The following UBE2U variants were observed in gnomAD, a reference collection of about 807,000 sequenced individuals.
UBE2U encodes ubiquitin-conjugating enzyme E2 U.
Under a neutral mutation model 41.2 loss-of-function variants are expected in UBE2U, and 39 were observed. The observed-to-expected ratio is 0.95, with a 90% CI of 0.73 to 1.24. The LOEUF (loss-of-function observed/expected upper bound fraction) is 1.24, where lower values mean the gene tolerates loss of function less well. Among genes scored for constraint, UBE2U ranks in the 50% most tolerant of loss-of-function variants. The probability of loss-of-function intolerance (pLI) is 0.00; values close to 1 mark genes in which losing one functional copy is unlikely to be tolerated. For synonymous variants in UBE2U, 107 were observed against 117.8 expected, an observed-to-expected ratio of 0.91 and a Z score of 0.60; for missense variants, 336 against 363.1, an observed-to-expected ratio of 0.93 and a Z score of 0.61.
chr1:64,206,635 A>G (rs1361157884), intron 2 of UBE2U, 129 bp from the exon 3 acceptor site: 13 of 604,678 alleles, frequency 2.1e-5, no homozygotes, highest in Non-Finnish European at 3.5e-5. Flanking sequence ...GGTGCACTCT[A>G]TGAATCAATT....
chr1:64,214,698 A>G (rs1266512494), intron 4 of UBE2U, 117 bp from the exon 5 acceptor site: 5 of 715,694 alleles, frequency 7.0e-6, no homozygotes. Context: ...CTATTTCCAG[A>G]TCCATACATA....
intron 8 of UBE2U, among the ~76,000 whole-genome samples, chr1:64,242,092 A>G (rs1490306304): frequency 1.3e-5 from 2 of 152,120 alleles, no homozygotes; most frequent in Non-Finnish European, 2.9e-5. Context: ...AAAACTATAT[A>G]TCATCAATTA....
rs1195307740 is a variant in UBE2U at position 64,239,163 on chromosome 1, G to GA, written c.596-2487dup. 1.2e-4 allele frequency among the ~76,000 whole-genome samples: 9 copies of GA among 73,014 alleles called. No homozygotes were observed. In the East Asian group the frequency reaches 4.3e-3, roughly 35 times the overall value. The allele number at this position is 73,014 out of a possible 152,430, so 47.9% of individuals were successfully genotyped here. A position where few individuals can be genotyped will look rare whatever the true frequency, so the allele number is the denominator to read the frequency against. On this transcript the variant is annotated intron_variant, in intron 7 of 9. Transcript: ENST00000371077. The stretch of plus-strand genomic sequence containing the variant: ...GAAGAAGAAGAAGAAGAAGAAAGAA[G>GA]AAGAAGAAGAAGAAGAAGAAGAAGA...
intron 6 of UBE2U, among the ~76,000 whole-genome samples, chr1:64,227,292 A>G (rs1193951724): frequency 2.0e-5 from 3 of 152,204 alleles, no homozygotes; most frequent in Non-Finnish European, 4.4e-5. Flanking sequence ...CAAGGAAAAT[A>G]AATAAAAATT....
At chr1:64,205,748 T>C in intron 2 of UBE2U, 28 bp downstream of exon 2, 1 of 1,584,752 alleles carries the variant, frequency 6.3e-7, no homozygotes, top group Non-Finnish European at 8.6e-7. Context: ...CAATCTATTT[T>C]TTAAAAAAGT....
At position 64,205,838 on chromosome 1, in the gene UBE2U, A is replaced by T. The variant is rs529690879; in HGVS notation, c.148+118A>T. Reference sequence around the variant, plus strand: ...TAAATTTCCTGAAATTCTTCTTCATATGCATAAGTTTGCATTATACCAGTT... The same window carrying T: ...TAAATTTCCTGAAATTCTTCTTCATTTGCATAAGTTTGCATTATACCAGTT... On this transcript the variant is annotated intron_variant, in intron 2 of 9. Transcript: ENST00000371077. 1.4e-5 allele frequency: 10 copies of T among 700,614 alleles called. No individual in the cohort carries two copies. The African/African-American group carries it at 1.8e-4, about 13-fold the overall frequency. 43.4% of individuals were successfully genotyped at this position (700,614 alleles called of 1,614,324 possible).
chr1:64,223,898 A>AACAGC (rs1335188187), intron 6 of UBE2U, among the ~76,000 whole-genome samples: 1 of 152,192 alleles, frequency 6.6e-6, no homozygotes, highest in African/African-American at 2.4e-5. Flanking sequence ...ACATCTTTCC[A>AACAGC]ACAGCCTGAC....
chr1:64,215,084 A>G (rs1651908975), intron 5 of UBE2U, 152 bp downstream of exon 5: 2 of 547,110 alleles, frequency 3.7e-6, no homozygotes, highest in Non-Finnish European at 6.6e-6. Context: ...ATACAGAATT[A>G]GCTGGGCGTA....
chr1:64,250,538 T>C (rs987988006), intron 8 of UBE2U, among the ~76,000 whole-genome samples: 3 of 152,154 alleles, frequency 2.0e-5, no homozygotes, highest in Admixed American at 6.5e-5. Flanking sequence ...GGAAATACCA[T>C]TTGGCCCAGC....
chr1:64,219,703 C>G (rs1422933285), intron 5 of UBE2U, among the ~76,000 whole-genome samples: 3 of 152,022 alleles, frequency 2.0e-5, no homozygotes, highest in Non-Finnish European at 2.9e-5. Flanking sequence ...TCACGCCATT[C>G]TCCTGCCTCA....
intron 3 of UBE2U, among the ~76,000 whole-genome samples, chr1:64,208,603 CAAAAAAAAAAAAAAAAAAAAAAAAAAAA>C (rs56972795): frequency 1.1e-3 from 40 of 36,512 alleles, no homozygotes; most frequent in African/African-American, 4.6e-3. Context: ...GACGCTGTCT[CAAAAAAAAAAAAAAAAAAAAAAAAAAAA>C]AAAAAAAAAA....
intron 3 of UBE2U, among the ~76,000 whole-genome samples, chr1:64,209,522 A>G (rs1449159047): frequency 1.3e-5 from 2 of 152,114 alleles, no homozygotes; most frequent in Non-Finnish European, 2.9e-5. Flanking sequence ...ACTTTTGTGG[A>G]GCCTGATTAA....
intron 6 of UBE2U, among the ~76,000 whole-genome samples, chr1:64,221,949 T>C (rs1652505968): frequency 6.6e-6 from 1 of 151,672 alleles, no homozygotes; most frequent in African/African-American, 2.4e-5. Context: ...TAGCCGAGCG[T>C]GGTGACAGCC....
In UBE2U at chr1:64,267,038, G is replaced by T; in HGVS notation, c.784G>T (p.Glu262Ter). Residue 262 changes from glutamate (E) to a stop codon, truncating the protein, a stop_gained, in exon 10 of 10, where the codon GAG becomes TAG. Coordinates refer to ENST00000371077, the MANE Select transcript of UBE2U (RefSeq NM_001366232.2). LOFTEE classifies it low-confidence loss of function (END_TRUNC). ...LCPTLNEIFL[E>*]SPTAINSITD... ...TCCCACCACAGATGAAATTTTTCTT[G>T]AGTCACCAACTGCAATAAATAGCAT... 1 of 1,546,158 alleles carries T rather than the reference G, an allele frequency of 6.5e-7. No individual in the cohort carries two copies. Among genetic ancestry groups the T allele is most frequent in the Admixed American group, 2.0e-5 (1 of 50,142 alleles).
chr1:64,220,994 A>G (rs1652417321), intron 6 of UBE2U, 87 bp downstream of exon 6: 2 of 888,762 alleles, frequency 2.3e-6, no homozygotes, highest in Non-Finnish European at 3.4e-6. Context: ...TCATAATTAA[A>G]TGTTTGTTTT....
chr1:64,208,742 T>TA (rs1049650885), intron 3 of UBE2U, among the ~76,000 whole-genome samples: 12 of 151,894 alleles, frequency 7.9e-5, no homozygotes, highest in African/African-American at 2.9e-4. Flanking sequence ...ATCCTACAGT[T>TA]ACGTGTATTG....
At chr1:64,218,048 T>C (rs969050645) in intron 5 of UBE2U, among the ~76,000 whole-genome samples, 1 of 152,180 alleles carries the variant, frequency 6.6e-6, no homozygotes, top group Non-Finnish European at 1.5e-5. Context: ...TGCCGTTTCT[T>C]TTTAAAGTGA....
intron 7 of UBE2U, among the ~76,000 whole-genome samples, chr1:64,237,495 A>C (rs897862655): frequency 1.3e-5 from 2 of 152,186 alleles, no homozygotes; most frequent in African/African-American, 4.8e-5. Context: ...TGCTAAAATT[A>C]CATGGTTCCT....
intron 8 of UBE2U, among the ~76,000 whole-genome samples, chr1:64,256,664 C>A (rs1444910171): frequency 6.6e-6 from 1 of 152,102 alleles, no homozygotes; most frequent in Non-Finnish European, 1.5e-5. Flanking sequence ...ACTATAAAAA[C>A]CCTAGATGAA....
Sources: allele counts gnomAD v4.1 joint callset (sites outside exome capture counted in the v4.1 genomes callset), GRCh38; gene constraint gnomAD v4.1.1; transcripts MANE v1.5; gene names NCBI Gene and HGNC (gene_info 2026-07-23, HGNC 2026-07-21).